Variants in MAPK14 observed in about 807,000 individuals in gnomAD.
MAPK14 encodes mitogen-activated protein kinase 14.
Under a neutral mutation model 49.6 loss-of-function variants are expected in MAPK14, and 16 were observed. That is an observed-to-expected ratio of 0.32 (90% CI 0.22 to 0.49). MAPK14 has a LOEUF of 0.49. Ranked by LOEUF, MAPK14 falls within the 20% of genes least tolerant of loss-of-function variation. The probability of loss-of-function intolerance (pLI) is 0.99; values close to 1 mark genes in which losing one functional copy is unlikely to be tolerated. For synonymous variants in MAPK14, 142 were observed against 158.0 expected, an observed-to-expected ratio of 0.90 and a Z score of 0.76; for missense variants, 200 against 441.2, an observed-to-expected ratio of 0.45 and a Z score of 4.90.
chr6:36,029,668 T>C (rs936158488), intron 1 of MAPK14, among the ~76,000 whole-genome samples: 1 of 152,208 alleles, frequency 6.6e-6, no homozygotes, highest in African/African-American at 2.4e-5. Context: ...TTTGGTAGAA[T>C]CTTCTGGGTA....
In MAPK14 at chr6:36,107,610, C is replaced by T. The variant is rs151291391; in HGVS notation, c.997C>T (p.Leu333Phe). The T allele has an allele frequency of 8.9e-6, 14 of 1,576,964 alleles. No individual in the cohort carries two copies. Among genetic ancestry groups the T allele is most frequent in the Non-Finnish European group, 1.2e-5 (14 of 1,164,398 alleles). Residue 333 changes from leucine to phenylalanine, a missense_variant, in exon 11 of 12, where the codon CTT becomes TTT. By Grantham distance (22) the Leu-to-Phe change is conservative. Coordinates refer to ENST00000229794, the MANE Select transcript of MAPK14 (RefSeq NM_139012.3). The surrounding 1 kb of genome is among the most constrained non-coding windows in gnomAD (Gnocchi z 4.3). ...YDQSFESRDLLIDEWKSLTYD... is the reference protein window; with the variant it reads ...YDQSFESRDLFIDEWKSLTYD... ...TCAGTCCTTTGAAAGCAGGGACCTC[C>T]TTATAGATGAGTGGAAAAGTAAGTC...
the MAPK14 span, among the ~76,000 whole-genome samples, chr6:36,117,104 G>A: frequency 2.6e-5 from 4 of 152,200 alleles, no homozygotes; most frequent in African/African-American, 9.7e-5. Context: ...GCCACAGCCA[G>A]GCACTGGTGC....
chr6:36,123,495 A>G, the MAPK14 span, among the ~76,000 whole-genome samples: 2 of 152,244 alleles, frequency 1.3e-5, no homozygotes, highest in Middle Eastern at 3.4e-3. Flanking sequence ...ATATTCCCCT[A>G]CTATTGCTTA....
chr6:36,073,930 G>C, intron 5 of MAPK14, 119 bp from the exon 6 acceptor site: 1 of 903,856 alleles, frequency 1.1e-6, no homozygotes, highest in Non-Finnish European at 1.8e-6. Flanking sequence ...GTAGGATGGA[G>C]ATTGTCTTTT....
Position 36,107,460 on chromosome 6 carries a change from G to A in MAPK14, c.847G>A (p.Asp283Asn). 2 of 1,533,904 alleles carry A rather than the reference G, an allele frequency of 1.3e-6. No homozygotes were observed. Among genetic ancestry groups the A allele is most frequent in the Non-Finnish European group, 1.8e-6 (2 of 1,139,820 alleles). The change falls in exon 11 of 12, where the codon GAC (aspartate) becomes AAC (asparagine). Residue 283 changes from aspartate (D) to asparagine (N), a missense_variant. Transcript: ENST00000229794. The surrounding 1 kb of genome is among the most constrained non-coding windows in gnomAD (Gnocchi z 4.3). ...CCTGTCTATGGTACTGATAGCTGTCGACTTGCTGGAGAAGATGCTTGTATT... is the reference window on the plus strand; with the variant it reads ...CCTGTCTATGGTACTGATAGCTGTCAACTTGCTGGAGAAGATGCTTGTATT... The part of the protein sequence containing the change: ...VFIGANPLAV[D>N]LLEKMLVLDS...
downstream of MAPK14, among the ~76,000 whole-genome samples, chr6:36,115,555 C>T (rs1159913318): frequency 2.0e-5 from 3 of 152,024 alleles, no homozygotes; most frequent in Non-Finnish European, 1.5e-5. Context: ...GAGGCTGAGG[C>T]GGGCAGAACA....
intron 8 of MAPK14, among the ~76,000 whole-genome samples, chr6:36,093,584 TG>T (rs1232999683): frequency 6.6e-6 from 1 of 151,996 alleles, no homozygotes; most frequent in Non-Finnish European, 1.5e-5. Context: ...CCGGGTGTGG[TG>T]GCAGGCGCCT....
At chr6:36,072,247 A>G (rs1235028021) in intron 3 of MAPK14, among the ~76,000 whole-genome samples, 3 of 152,086 alleles carry the variant, frequency 2.0e-5, no homozygotes, top group Non-Finnish European at 4.4e-5. Context: ...CTGAGGTAGG[A>G]GGATCACTTG....
At chr6:36,075,145 G>A (rs2127444386) in intron 6 of MAPK14, among the ~76,000 whole-genome samples, 1 of 143,532 alleles carries the variant, frequency 7.0e-6, no homozygotes, top group South Asian at 2.2e-4. Flanking sequence ...AGAATGGCGT[G>A]AACCTGGGAG....
intron 11 of MAPK14, among the ~76,000 whole-genome samples, chr6:36,108,113 T>C (rs1247356249): frequency 6.6e-6 from 1 of 152,218 alleles, no homozygotes; most frequent in Non-Finnish European, 1.5e-5. Flanking sequence ...GAGAGTGCTC[T>C]TTCATTCTTG....
intron 2 of MAPK14, among the ~76,000 whole-genome samples, chr6:36,054,498 CTT>C (rs1205583181): frequency 6.6e-6 from 1 of 151,890 alleles, no homozygotes; most frequent in African/African-American, 2.4e-5. Context: ...TACTAGCAGT[CTT>C]TTTTTTATAT....
At chr6:36,059,075 A>T (rs554486237) in intron 2 of MAPK14, among the ~76,000 whole-genome samples, 1 of 152,100 alleles carries the variant, frequency 6.6e-6, no homozygotes, top group East Asian at 1.9e-4. Flanking sequence ...TTTTTAGTAG[A>T]GACAGGGTTT....
chr6:36,092,741 C>T, intron 8 of MAPK14: 1 of 277,148 alleles, frequency 3.6e-6, no homozygotes, highest in Non-Finnish European at 7.1e-6. Context: ...CTACTGGAGG[C>T]AGCAGTGTCA....
intron 1 of MAPK14, among the ~76,000 whole-genome samples, chr6:36,030,423 C>T (rs1762492669): frequency 6.6e-6 from 1 of 152,282 alleles, no homozygotes; most frequent in Admixed American, 6.5e-5. Context: ...TGCAGTGGCT[C>T]ACGCCTGTAA....
Position 36,030,122 on chromosome 6 carries a change from G to T in MAPK14, c.116+1849G>T, listed in dbSNP as rs867456450. 5.3e-5 allele frequency among the ~76,000 whole-genome samples: 8 copies of T among 152,128 alleles called. 1 individual carries two copies. The highest frequency in any genetic ancestry group is 1.3e-4 in the Admixed American group (2 of 15,286). ...AATGCTATTTAAATTTTAATGGAGTGATACAGCAGAATAACTCAACTATAG... is the reference window on the plus strand; with the variant it reads ...AATGCTATTTAAATTTTAATGGAGTTATACAGCAGAATAACTCAACTATAG... On this transcript the variant is annotated intron_variant, in intron 1 of 11. Transcript: ENST00000229794.
rs758049381 is a variant in MAPK14, at chr6:36,076,617, T to C, written c.682+9T>C. The C allele has an allele frequency of 1.4e-5, 22 of 1,611,334 alleles. No individual in the cohort carries two copies. The South Asian group carries it at 2.2e-4, about 16-fold the overall frequency. ...GTTTCCTGGTACAGACCGTATCCTT[T>C]AAAAAGTTTTGGATTCTTGTTTCTT... On this transcript the variant is annotated intron_variant, in intron 8 of 11. Transcript: ENST00000229794.
At chr6:36,102,543 G>A in intron 9 of MAPK14, 28 bp from the exon 10 acceptor site, 2 of 1,567,602 alleles carry the variant, frequency 1.3e-6, no homozygotes, top group Non-Finnish European at 1.8e-6. Context: ...ATTGAACAAA[G>A]TCATTCTGAA....
intron 1 of MAPK14, among the ~76,000 whole-genome samples, chr6:36,041,780 A>T (rs1387307881): frequency 6.6e-6 from 1 of 152,246 alleles, no homozygotes; most frequent in Non-Finnish European, 1.5e-5. Context: ...ATAAATATTG[A>T]TGCTTATATT....
chr6:36,117,540 C>T, the MAPK14 span, among the ~76,000 whole-genome samples: 9 of 152,308 alleles, frequency 5.9e-5, no homozygotes, highest in East Asian at 1.7e-3. Context: ...CTGGAATGAT[C>T]ATTGGTGGCA....
Sources: gnomAD v4.1 joint callset for allele counts (sites outside exome capture counted in the v4.1 genomes callset) on GRCh38, gnomAD v4.1.1 for gene constraint, Gnocchi (gnomAD v3.1) non-coding constraint, MANE v1.5 for transcripts, NCBI Gene and HGNC (gene_info 2026-07-23, HGNC 2026-07-21) for gene names.